MLLT10: variants seen among roughly 807,000 people sequenced by gnomAD.
MLLT10 encodes the protein protein AF-10.
A neutral mutation model predicts 129.1 loss-of-function variants in MLLT10; 30 were observed. That is an observed-to-expected ratio of 0.23 (90% CI 0.17 to 0.32). The LOEUF is 0.32. Among genes scored for constraint, MLLT10 ranks in the 10% least tolerant of loss-of-function variants. The pLI is 1.00. For missense variants in MLLT10, 1,119 were observed against 1,268.3 expected (o/e 0.88, Z 1.79); for synonymous variants, 490 against 446.4 (o/e 1.10, Z -1.23).
At chr10:21,664,480 A>G (rs1438020396) in intron 9 of MLLT10, among the ~76,000 whole-genome samples, 3 of 151,852 alleles carry the variant, frequency 2.0e-5, no homozygotes, top group Non-Finnish European at 4.4e-5. Flanking sequence ...TATTTTTAGT[A>G]GGGACAGGGT....
chr10:21,547,264 G>A (rs981016722), intron 3 of MLLT10, among the ~76,000 whole-genome samples: 3 of 152,036 alleles, frequency 2.0e-5, no homozygotes, highest in Non-Finnish European at 4.4e-5. Flanking sequence ...GTTTTAACAT[G>A]CATACTTAAT....
intron 3 of MLLT10, among the ~76,000 whole-genome samples, chr10:21,577,039 C>A (rs2040841901): frequency 6.6e-6 from 1 of 152,238 alleles, no homozygotes; most frequent in Non-Finnish European, 1.5e-5. Context: ...CTCCATTACC[C>A]TACTTCCCCA....
intron 2 of MLLT10, among the ~76,000 whole-genome samples, chr10:21,535,661 G>A (rs1477686440): frequency 6.6e-6 from 1 of 152,214 alleles, no homozygotes; most frequent in South Asian, 2.1e-4. Context: ...CCCATTTCAC[G>A]TGGTAAGGAA....
intron 5 of MLLT10, among the ~76,000 whole-genome samples, chr10:21,612,128 C>G (rs1441701861): frequency 6.6e-6 from 1 of 151,790 alleles, no homozygotes; most frequent in East Asian, 1.9e-4. Flanking sequence ...GAAGATAATG[C>G]CTTTGTGAAT....
intron 3 of MLLT10, among the ~76,000 whole-genome samples, chr10:21,564,783 C>T (rs2131011841): frequency 1.3e-5 from 2 of 148,916 alleles, no homozygotes; most frequent in South Asian, 2.1e-4. Flanking sequence ...GCGATCGCAC[C>T]ATTGCACTCT....
intron 17 of MLLT10, among the ~76,000 whole-genome samples, chr10:21,732,353 A>C (rs1036350486): frequency 2.0e-5 from 3 of 152,198 alleles, no homozygotes; most frequent in Admixed American, 1.3e-4. Context: ...CTGGGCGCAC[A>C]CATAGCGCTC....
intron 14 of MLLT10, among the ~76,000 whole-genome samples, chr10:21,724,000 T>C (rs2057308064): frequency 6.6e-6 from 1 of 152,254 alleles, no homozygotes; most frequent in African/African-American, 2.4e-5. Context: ...ATCTTAACTG[T>C]ATCTCTGTTT....
Position 21,670,613 on chromosome 10 carries a change from T to C in MLLT10, c.960T>C (p.Ser320=). ...GGTCAGAGGGCAAAGGGAAGAAATC[T>C]TCAGCTCACAGCTCAGGTCAAAGGG... The part of the protein sequence containing the change: ...TRGSEGKGKK[S]SAHSSGQRGR... Residue 320 remains serine, a synonymous_variant, in exon 10 of 23, where the codon TCT becomes TCC. Transcript: ENST00000307729. 6.2e-7 allele frequency: 1 copy of C among 1,614,186 alleles called. No individual in the cohort carries two copies. The highest frequency in any genetic ancestry group is 8.5e-7 in the Non-Finnish European group (1 of 1,180,028).
intron 3 of MLLT10, among the ~76,000 whole-genome samples, chr10:21,568,394 G>C (rs746557891): frequency 6.6e-6 from 1 of 152,178 alleles, no homozygotes; most frequent in South Asian, 2.1e-4. Flanking sequence ...AAGTGTAAGT[G>C]TAACCTTTGA....
chr10:21,598,801 T>C (rs970051680), intron 5 of MLLT10, among the ~76,000 whole-genome samples: 3 of 150,734 alleles, frequency 2.0e-5, no homozygotes, highest in African/African-American at 7.3e-5. Context: ...GAGAATCACT[T>C]GAGTCCTGGA....
In MLLT10 at chr10:21,730,861, C is replaced by G. The variant is rs765342160; in HGVS notation, c.2064-39C>G. 5 of 1,612,040 alleles carry G rather than the reference C, an allele frequency of 3.1e-6. No homozygotes were observed. The South Asian group carries it at 5.5e-5, about 18-fold the overall frequency. On this transcript the variant is annotated intron_variant, in intron 16 of 22. Transcript: ENST00000307729. ...GTAAGAAACTGTACTCTCTTAAAAGCATTCCCCTTCTTTTTAACTTGAGAA... is the reference window on the plus strand; with the variant it reads ...GTAAGAAACTGTACTCTCTTAAAAGGATTCCCCTTCTTTTTAACTTGAGAA...
chr10:21,609,678 C>T (rs764515079), intron 5 of MLLT10, among the ~76,000 whole-genome samples: 13 of 152,144 alleles, frequency 8.5e-5, no homozygotes, highest in South Asian at 2.1e-4. Context: ...ACTTGTTTCT[C>T]CTTGTAACTA....
chr10:21,590,344 A>ATTT (rs748772279), intron 4 of MLLT10, among the ~76,000 whole-genome samples: 1 of 145,214 alleles, frequency 6.9e-6, no homozygotes. Flanking sequence ...TGCCAATAGT[A>ATTT]TTTTTTTTTT....
chr10:21,598,114 T>G (rs1307698627), intron 5 of MLLT10, among the ~76,000 whole-genome samples: 1 of 152,244 alleles, frequency 6.6e-6, no homozygotes, highest in East Asian at 1.9e-4. Flanking sequence ...TTTTCTAATT[T>G]CACCCTTTCT....
intron 8 of MLLT10, among the ~76,000 whole-genome samples, chr10:21,640,291 TATTA>T (rs940767790): frequency 4.2e-5 from 6 of 143,756 alleles, no homozygotes; most frequent in Non-Finnish European, 9.0e-5. Context: ...ATATAATATA[TATTA>T]TATAATATAT....
chr10:21,698,110 T>C (rs1285009952), intron 13 of MLLT10, among the ~76,000 whole-genome samples: 1 of 152,230 alleles, frequency 6.6e-6, no homozygotes, highest in Non-Finnish European at 1.5e-5. Context: ...ATTCAATGTA[T>C]TGTTGCTAAT....
intron 8 of MLLT10, among the ~76,000 whole-genome samples, chr10:21,621,079 G>A (rs1217809279): frequency 6.6e-6 from 1 of 151,234 alleles, no homozygotes; most frequent in Non-Finnish European, 1.5e-5. Flanking sequence ...CCGCCTCCGG[G>A]TTCACGCCAT....
intron 8 of MLLT10, among the ~76,000 whole-genome samples, chr10:21,644,906 C>T (rs886134808): frequency 3.3e-5 from 5 of 152,162 alleles, no homozygotes; most frequent in African/African-American, 1.2e-4. Context: ...ACTAGAATTA[C>T]AGGGGAGAGC....
intron 3 of MLLT10, among the ~76,000 whole-genome samples, chr10:21,542,517 C>T (rs2035354480): frequency 6.6e-6 from 1 of 152,220 alleles, no homozygotes; most frequent in South Asian, 2.1e-4. Context: ...TTGCAGTGAG[C>T]TGAGATCGTG....
Sources: gnomAD v4.1 joint callset for allele counts (sites outside exome capture counted in the v4.1 genomes callset) on GRCh38, gnomAD v4.1.1 for gene constraint, MANE v1.5 for transcripts, NCBI Gene and HGNC (gene_info 2026-07-23, HGNC 2026-07-21) for gene names.